The following CRTAP variants were observed in gnomAD, a reference collection of about 807,000 sequenced individuals.
CRTAP encodes cartilage associated protein, also known as cartilage-associated protein.
In CRTAP, 33 loss-of-function variants were observed where a neutral mutation model predicts 42.7. The observed-to-expected ratio is 0.77, with a 90% CI of 0.59 to 1.03. CRTAP has a LOEUF of 1.03. Among genes scored for constraint, CRTAP ranks in the 50% least tolerant of loss-of-function variants. The pLI is 0.00. For missense variants in CRTAP, 613 were observed against 533.9 expected (o/e 1.15, Z -1.46); for synonymous variants, 243 against 217.7 (o/e 1.12, Z -1.02).
chr3:33,130,525 C>CT (rs765558103), intron 4 of CRTAP, among the ~76,000 whole-genome samples: 876 of 55,248 alleles, frequency 0.016, 40 homozygotes, highest in Middle Eastern at 0.021. Flanking sequence ...CTTTTCTTTT[C>CT]TTTTTTTTTT....
intron 2 of CRTAP, among the ~76,000 whole-genome samples, chr3:33,121,917 C>T (rs2125599288): frequency 6.6e-6 from 1 of 152,262 alleles, no homozygotes; most frequent in Non-Finnish European, 1.5e-5. Context: ...CTTCTAGCTC[C>T]ATGCCTTACC....
intron 3 of CRTAP, among the ~76,000 whole-genome samples, chr3:33,126,153 A>G (rs1380117692): frequency 6.6e-6 from 1 of 152,042 alleles, no homozygotes; most frequent in Non-Finnish European, 1.5e-5. Flanking sequence ...ACTGGCAACA[A>G]CCTTTCTACT....
intron 6 of CRTAP, among the ~76,000 whole-genome samples, chr3:33,135,771 ATATT>A (rs1370672650): frequency 6.6e-6 from 1 of 152,002 alleles, no homozygotes; most frequent in African/African-American, 2.4e-5. Flanking sequence ...GTTTTTCTAC[ATATT>A]TATTATAAAC....
At chr3:33,134,791 G>A (rs1174566289) in intron 6 of CRTAP, among the ~76,000 whole-genome samples, 1 of 152,144 alleles carries the variant, frequency 6.6e-6, no homozygotes, top group East Asian at 1.9e-4. Context: ...TCACAGAAAA[G>A]CCATCATTAG....
chr3:33,115,553 C>G lies in CRTAP; in HGVS notation c.471+1005C>G, dbSNP rs188299072. ...TTCCCTGTCACTAGATAAAGAGGCT[C>G]TAGCTTGGTGGGTCCTCACAGGGTT... On this transcript the variant is annotated intron_variant, in intron 1 of 6. Transcript: ENST00000320954. Among the ~76,000 whole-genome samples, 14 of 152,244 alleles carry G rather than the reference C, an allele frequency of 9.2e-5. No homozygotes were observed. The East Asian group carries it at 1.5e-3, about 17-fold the overall frequency.
rs141876885 is a variant in CRTAP at position 33,123,625 on chromosome 3, GTTTTTTTT to G, written c.622-766_622-759del. Among the ~76,000 whole-genome samples, 267 of 106,350 alleles carry G rather than the reference GTTTTTTTT, an allele frequency of 2.5e-3. 4 individuals carry two copies. The South Asian group carries it at 0.054, about 21-fold the overall frequency. The allele number at this position is 106,350 out of a possible 152,430, so 69.8% of individuals were successfully genotyped here. A position where few individuals can be genotyped will look rare whatever the true frequency, so the allele number is the denominator to read the frequency against. The stretch of plus-strand genomic sequence containing the variant: ...TTTATTTATAAATTACCCAGTCTCG[GTTTTTTTT>G]TTTTTTTTTTTTTTTTGACAGAGTC... On this transcript the variant is annotated intron_variant, in intron 2 of 6. Transcript: ENST00000320954.
At position 33,142,816 on chromosome 3, in the gene CRTAP, G is replaced by A. The variant is rs887825694; in HGVS notation, c.*368G>A. On this transcript the variant is annotated 3_prime_UTR_variant, in exon 7 of 7. Transcript: ENST00000320954. ...ATTACAGGCATGTGCCACCACGCCC[G>A]GCTAATTTTGTATTTTTAGTAGAGA... 6 of 233,732 alleles carry A rather than the reference G, an allele frequency of 2.6e-5. No homozygotes were observed. The highest frequency in any genetic ancestry group is 1.3e-4 in the South Asian group (2 of 15,342). The allele number at this position is 233,732 out of a possible 1,614,324, so 14.5% of individuals were successfully genotyped here. A position where few individuals can be genotyped will look rare whatever the true frequency, so the allele number is the denominator to read the frequency against.
At chr3:33,132,458 G>T in intron 4 of CRTAP, 97 bp from the exon 5 acceptor site, 1 of 1,546,086 alleles carries the variant, frequency 6.5e-7, no homozygotes, top group Non-Finnish European at 8.9e-7. Context: ...GGACTGTGGA[G>T]AAGGGGCTTG....
intron 1 of CRTAP, among the ~76,000 whole-genome samples, chr3:33,117,373 A>C (rs1401490715): frequency 6.6e-6 from 1 of 152,116 alleles, no homozygotes; most frequent in African/African-American, 2.4e-5. Flanking sequence ...GGAGGTTTGG[A>C]TGTGTGCTCT....
At chr3:33,118,115 T>G (rs1254544052) in intron 1 of CRTAP, among the ~76,000 whole-genome samples, 1 of 152,056 alleles carries the variant, frequency 6.6e-6, no homozygotes, top group African/African-American at 2.4e-5. Flanking sequence ...CACCTGCCAC[T>G]GTGCCTGGCT....
At chr3:33,136,783 C>T (rs2030432351) in intron 6 of CRTAP, among the ~76,000 whole-genome samples, 1 of 152,194 alleles carries the variant, frequency 6.6e-6, no homozygotes, top group African/African-American at 2.4e-5. Flanking sequence ...ATCATGAGGA[C>T]AGCACCAAGA....
At chr3:33,114,608 C>G in intron 1 of CRTAP, 60 bp downstream of exon 1, 1 of 1,493,984 alleles carries the variant, frequency 6.7e-7, no homozygotes, top group South Asian at 1.2e-5. Context: ...CCTCCAGGCC[C>G]TAGCCCCGCC....
chr3:33,130,825 C>T (rs570578800), intron 4 of CRTAP, among the ~76,000 whole-genome samples: 20 of 152,248 alleles, frequency 1.3e-4, no homozygotes, highest in African/African-American at 4.3e-4. Context: ...TGAGCCACTG[C>T]GCCCGTCCTG....
chr3:33,139,992 G>C (rs866545795), intron 6 of CRTAP, among the ~76,000 whole-genome samples: 8 of 152,268 alleles, frequency 5.3e-5, no homozygotes, highest in Middle Eastern at 3.4e-3. Context: ...AAATAGCATA[G>C]CAGGGACTAA....
At position 33,114,401 on chromosome 3, in the gene CRTAP, C is replaced by T. The variant is rs1396990733; in HGVS notation, c.324C>T (p.Leu108=). The part of the protein sequence containing the change: ...AGLASYPELR[L]FGGLLRRAHC... Reference sequence around the variant, plus strand: ...TCGCCAGCTATCCCGAGCTGCGCCTCTTCGGGGGCCTGCTGCGCCGCGCGC... The same window carrying T: ...TCGCCAGCTATCCCGAGCTGCGCCTTTTCGGGGGCCTGCTGCGCCGCGCGC... The change falls in exon 1 of 7, where the codon CTC becomes CTT. Residue 108 remains leucine (L), a synonymous_variant. Coordinates refer to ENST00000320954, the MANE Select transcript of CRTAP (RefSeq NM_006371.5). 3.2e-6 allele frequency: 5 copies of T among 1,539,720 alleles called. No homozygotes were observed. The African/African-American group carries it at 4.2e-5, about 13-fold the overall frequency.
At chr3:33,124,361 C>T (rs766230174) in intron 2 of CRTAP, 47 bp from the exon 3 acceptor site, 50 of 1,611,406 alleles carry the variant, frequency 3.1e-5, no homozygotes, top group Non-Finnish European at 4.0e-5. Flanking sequence ...TGACTGTCTC[C>T]CTTCACGCCC....
intron 1 of CRTAP, among the ~76,000 whole-genome samples, chr3:33,117,601 A>C (rs1262083283): frequency 6.6e-6 from 1 of 152,224 alleles, no homozygotes; most frequent in Non-Finnish European, 1.5e-5. Context: ...TGGACAGAGA[A>C]CACTGACTCA....
At chr3:33,142,353 C>T (rs771629794) in intron 6 of CRTAP, 42 bp from the exon 7 acceptor site, 2 of 1,539,592 alleles carry the variant, frequency 1.3e-6, no homozygotes, top group Admixed American at 1.7e-5. Context: ...TTTTAAAAGT[C>T]CAATAGCCCA....
chr3:33,124,835 T>C (rs996953986), intron 3 of CRTAP, among the ~76,000 whole-genome samples: 3 of 152,174 alleles, frequency 2.0e-5, no homozygotes, highest in African/African-American at 7.2e-5. Context: ...CCTACTTGCT[T>C]ACAGATTTCC....
Sources: gnomAD v4.1 joint callset for allele counts (sites outside exome capture counted in the v4.1 genomes callset) on GRCh38, gnomAD v4.1.1 for gene constraint, MANE v1.5 for transcripts, NCBI Gene and HGNC (gene_info 2026-07-23, HGNC 2026-07-21) for gene names.